VAPB: variants seen among roughly 807,000 people sequenced by gnomAD.
VAPB encodes vesicle-associated membrane protein-associated protein B/C.
In VAPB, 7 loss-of-function variants were observed where a neutral mutation model predicts 25.6. The ratio of observed to expected loss-of-function variants is 0.27; its 90% CI spans 0.16 to 0.51. The LOEUF is 0.51. VAPB is among the 20% of genes least tolerant of loss of function. The pLI, the probability that VAPB is intolerant of heterozygous loss-of-function variation, is 0.97. For synonymous variants in VAPB, 112 were observed against 109.2 expected (o/e 1.03, Z -0.16); for missense variants, 266 against 301.3 (o/e 0.88, Z 0.87).
At chr20:58,441,845 C>T (rs1020679400) in intron 5 of VAPB, among the ~76,000 whole-genome samples, 1 of 152,174 alleles carries the variant, frequency 6.6e-6, no homozygotes, top group Non-Finnish European at 1.5e-5. Context: ...CTAAATAGGT[C>T]TGGGCAGTTG....
intron 1 of VAPB, among the ~76,000 whole-genome samples, chr20:58,409,961 CAAT>C (rs1988335264): frequency 1.3e-5 from 2 of 151,256 alleles, no homozygotes; most frequent in African/African-American, 4.9e-5. Flanking sequence ...TTCAAAATCT[CAAT>C]AATATTTAAT....
Position 58,445,400 on chromosome 20 carries a change from C to T in VAPB, c.*1165C>T, listed in dbSNP as rs1989260250. 1 of 454,320 alleles carries T rather than the reference C, an allele frequency of 2.2e-6. No homozygotes were observed. Among genetic ancestry groups the T allele is most frequent in the Admixed American group, 2.4e-5 (1 of 42,548 alleles). 28.1% of individuals were successfully genotyped at this position (454,320 alleles called of 1,614,324 possible). On this transcript the variant is annotated 3_prime_UTR_variant, in exon 6 of 6. Coordinates refer to ENST00000475243, the MANE Select transcript of VAPB (RefSeq NM_004738.5). ...GGCACCAGCAGTTGTGGGTGGGGAG[C>T]AAGGGAAGAGAGAAACTCTTCAGCG...
In VAPB at chr20:58,448,200, ACT is replaced by A; in HGVS notation, c.*3968_*3969del. ...CCCCTGCAAAGTATATAGATGGATG[ACT>A]CTAGTTCATGACATACAAATCCCAT... On this transcript the variant is annotated 3_prime_UTR_variant, in exon 6 of 6. Transcript: ENST00000475243. 2.2e-6 allele frequency: 1 copy of A among 453,550 alleles called. No homozygotes were observed. 28.1% of individuals were successfully genotyped at this position (453,550 alleles called of 1,614,324 possible).
At chr20:58,441,607 C>A (rs778537962) in intron 5 of VAPB, among the ~76,000 whole-genome samples, 167 of 152,214 alleles carry the variant, frequency 1.1e-3, no homozygotes, top group Middle Eastern at 6.8e-3. Flanking sequence ...GTGCCACTGC[C>A]CTCCAGCCTG....
At chr20:58,424,783 C>G (rs1988750644) in intron 2 of VAPB, among the ~76,000 whole-genome samples, 1 of 152,190 alleles carries the variant, frequency 6.6e-6, no homozygotes, top group Non-Finnish European at 1.5e-5. Flanking sequence ...TCAGCACAAA[C>G]AAATTAATCA....
rs1354809407 is a variant in VAPB, at chr20:58,450,751, A to C, written c.*6516A>C. On this transcript the variant is annotated 3_prime_UTR_variant, in exon 6 of 6. Transcript: ENST00000475243. ...CATGTTAGGAACTGAGTATCTTAAG[A>C]GATGTCTTAGAATGCTTTAGTTTTC... is the stretch of plus-strand genomic sequence containing the variant. 2.2e-6 allele frequency: 1 copy of C among 453,780 alleles called. No individual in the cohort carries two copies. Among genetic ancestry groups the C allele is most frequent in the Non-Finnish European group, 4.4e-6 (1 of 226,730 alleles). 28.1% of individuals were successfully genotyped at this position (453,780 alleles called of 1,614,324 possible).
chr20:58,421,138 G>A (rs571442069), intron 2 of VAPB, among the ~76,000 whole-genome samples: 1 of 152,294 alleles, frequency 6.6e-6, no homozygotes, highest in East Asian at 1.9e-4. Flanking sequence ...CAGTTGTGCT[G>A]TTTAACCAGT....
At chr20:58,401,340 G>A (rs981095558) in intron 1 of VAPB, among the ~76,000 whole-genome samples, 47 of 152,030 alleles carry the variant, frequency 3.1e-4, no homozygotes, top group African/African-American at 1.1e-3. Context: ...ACCCTGTCTA[G>A]CTACTCCTTT....
At chr20:58,418,689 G>A (rs1034689888) in intron 2 of VAPB, among the ~76,000 whole-genome samples, 3 of 152,046 alleles carry the variant, frequency 2.0e-5, no homozygotes, top group African/African-American at 4.8e-5. Flanking sequence ...AATTAAATCT[G>A]CCCTTTGGCA....
At chr20:58,397,487 C>G (rs1987989197) in intron 1 of VAPB, among the ~76,000 whole-genome samples, 1 of 151,516 alleles carries the variant, frequency 6.6e-6, no homozygotes, top group Non-Finnish European at 1.5e-5. Flanking sequence ...CCATCGCACT[C>G]CAGCCTGGGC....
chr20:58,450,570 C>T lies in VAPB; in HGVS notation c.*6335C>T, dbSNP rs533187548. 1.3e-4 allele frequency: 58 copies of T among 453,680 alleles called. No individual in the cohort carries two copies. The highest frequency in any genetic ancestry group is 8.5e-4 in the South Asian group (55 of 64,418). 28.1% of individuals were successfully genotyped at this position (453,680 alleles called of 1,614,324 possible). The stretch of plus-strand genomic sequence containing the variant: ...CTTCCTATAAGAAACTAAAAATGAT[C>T]TATTTCAGTGTTCCTTTCGCCTTTC... On this transcript the variant is annotated 3_prime_UTR_variant, in exon 6 of 6. Coordinates refer to ENST00000475243, the MANE Select transcript of VAPB (RefSeq NM_004738.5).
At chr20:58,414,978 G>C (rs6123798) in intron 1 of VAPB, among the ~76,000 whole-genome samples, 2 of 152,252 alleles carry the variant, frequency 1.3e-5, no homozygotes. Context: ...ATCCCGGCAC[G>C]TCGGGAGGCC....
At chr20:58,405,450 G>GTTT (rs1988203164) in intron 1 of VAPB, among the ~76,000 whole-genome samples, 3 of 123,814 alleles carry the variant, frequency 2.4e-5, no homozygotes, top group African/African-American at 9.1e-5. Flanking sequence ...ATCTGAGCAG[G>GTTT]AGTTTATTTT....
chr20:58,436,518 G>A (rs1466509121), intron 3 of VAPB, among the ~76,000 whole-genome samples: 1 of 151,660 alleles, frequency 6.6e-6, no homozygotes, highest in East Asian at 1.9e-4. Context: ...GTAGAGACAG[G>A]TTTTCTCCAT....
rs114766763 is a variant in VAPB, at chr20:58,437,331, C to G, written c.316-1614C>G. On this transcript the variant is annotated intron_variant, in intron 3 of 5. Coordinates refer to ENST00000475243, the MANE Select transcript of VAPB (RefSeq NM_004738.5). ...GTTGACTTACAGAATGTCCTGTATT[C>G]TGGATTTATTTGATTATTTCCTCAT... is the stretch of plus-strand genomic sequence containing the variant. 2.3e-3 allele frequency among the ~76,000 whole-genome samples: 345 copies of G among 151,838 alleles called. 1 individual carries two copies. The highest frequency in any genetic ancestry group is 8.1e-3 in the African/African-American group (335 of 41,386).
chr20:58,441,223 A>C lies in VAPB; in HGVS notation c.573+140A>C, dbSNP rs1252240513. Reference sequence around the variant, plus strand: ...GGCTATTTTTTTCTCCCCAGGGAGAAATTTCCATGGCTTTCATGAGAGTCT... The same window carrying C: ...GGCTATTTTTTTCTCCCCAGGGAGACATTTCCATGGCTTTCATGAGAGTCT... On this transcript the variant is annotated intron_variant, in intron 5 of 5. Coordinates refer to ENST00000475243, the MANE Select transcript of VAPB (RefSeq NM_004738.5). 7.7e-6 allele frequency: 7 copies of C among 914,300 alleles called. No individual in the cohort carries two copies. The Admixed American group carries it at 1.5e-4, about 20-fold the overall frequency. The allele number at this position is 914,300 out of a possible 1,614,324, so 56.6% of individuals were successfully genotyped here. A position where few individuals can be genotyped will look rare whatever the true frequency, so the allele number is the denominator to read the frequency against.
At chr20:58,424,352 G>T (rs759305284) in intron 2 of VAPB, among the ~76,000 whole-genome samples, 10 of 152,096 alleles carry the variant, frequency 6.6e-5, no homozygotes, top group Non-Finnish European at 8.8e-5. Flanking sequence ...AGCGGCCCAT[G>T]TGACAGTGCA....
rs1200020719 is a variant in VAPB at position 58,446,695 on chromosome 20, A to G, written c.*2460A>G. The G allele has an allele frequency of 2.2e-6, 1 of 454,060 alleles. No individual in the cohort carries two copies. Among genetic ancestry groups the G allele is most frequent in the African/African-American group, 2.0e-5 (1 of 50,098 alleles). 28.1% of individuals were successfully genotyped at this position (454,060 alleles called of 1,614,324 possible). On this transcript the variant is annotated 3_prime_UTR_variant, in exon 6 of 6. Transcript: ENST00000475243. ...GTCTCTCTCCCTTCTAGAGGTTAGG[A>G]CTTGGTGAACATGTTTGTGGGCCTT...
In VAPB at chr20:58,446,635, G is replaced by A. The variant is rs1303860490; in HGVS notation, c.*2400G>A. ...GGTGTTCAGCTTCTCAGAGGATGTG[G>A]ACATTTTGGTTGCAGCTAAAAATCA... On this transcript the variant is annotated 3_prime_UTR_variant, in exon 6 of 6. Transcript: ENST00000475243. 2.2e-6 allele frequency: 1 copy of A among 454,002 alleles called. No homozygotes were observed. The highest frequency in any genetic ancestry group is 2.0e-5 in the African/African-American group (1 of 50,000). 28.1% of individuals were successfully genotyped at this position (454,002 alleles called of 1,614,324 possible). A position where few individuals can be genotyped will look rare whatever the true frequency, so the allele number is the denominator to read the frequency against.
Sources: allele counts gnomAD v4.1 joint callset (sites outside exome capture counted in the v4.1 genomes callset), GRCh38; gene constraint gnomAD v4.1.1; transcripts MANE v1.5; gene names NCBI Gene and HGNC (gene_info 2026-07-23, HGNC 2026-07-21).